DOCK10: variants seen among roughly 807,000 people sequenced by gnomAD.
DOCK10 encodes the protein dedicator of cytokinesis 10, also known as dedicator of cytokinesis protein 10.
DOCK10 carries 145 observed loss-of-function variants against 280.1 expected under a neutral mutation model. The observed-to-expected ratio is 0.52, with a 90% confidence interval of 0.45 to 0.59. DOCK10 has a LOEUF of 0.59. DOCK10 is among the 20% of genes least tolerant of loss of function. The pLI, the probability that DOCK10 is intolerant of heterozygous loss-of-function variation, is 0.00. For synonymous variants in DOCK10, 915 were observed against 942.2 expected, an observed-to-expected ratio of 0.97 and a Z score of 0.53; for missense variants, 2,368 against 2,651.7, an observed-to-expected ratio of 0.89 and a Z score of 2.35.
chr2:224,822,519 G>C (rs1197806886), intron 28 of DOCK10, among the ~76,000 whole-genome samples: 1 of 152,160 alleles, frequency 6.6e-6, no homozygotes, highest in Non-Finnish European at 1.5e-5. Flanking sequence ...GAGCTCAGGA[G>C]TTTGAAACCA....
intron 50 of DOCK10, among the ~76,000 whole-genome samples, chr2:224,778,768 A>G (rs1257921820): frequency 6.6e-6 from 1 of 152,224 alleles, no homozygotes; most frequent in Non-Finnish European, 1.5e-5. Context: ...TGCATCCCAC[A>G]TAATCTTAGA....
At chr2:224,828,822 C>T (rs10192929) in intron 27 of DOCK10, among the ~76,000 whole-genome samples, 26,016 of 152,044 alleles carry the variant, frequency 0.17, 3,293 homozygotes, top group African/African-American at 0.36. Flanking sequence ...ACTGGAACTC[C>T]TAGGGACAAA....
At chr2:224,867,199 G>C (rs1348518641) in intron 11 of DOCK10, among the ~76,000 whole-genome samples, 1 of 152,074 alleles carries the variant, frequency 6.6e-6, no homozygotes, top group African/African-American at 2.4e-5. Context: ...ACACTCAAGG[G>C]TTCATTCTAG....
At chr2:224,844,947 C>A (rs1403738916) in intron 21 of DOCK10, 108 bp from the exon 22 acceptor site, 2 of 878,682 alleles carry the variant, frequency 2.3e-6, no homozygotes, top group South Asian at 1.6e-5. Context: ...AATCTTATAT[C>A]AGCTACAGGT....
At chr2:224,768,871 C>T in intron 55 of DOCK10, 1 of 456,342 alleles carries the variant, frequency 2.2e-6, no homozygotes, top group South Asian at 1.5e-5. Flanking sequence ...GAAAAACATA[C>T]CACTTTTGCT....
Position 224,769,322 on chromosome 2 carries a change from C to A in DOCK10, c.6444+889G>T, listed in dbSNP as rs182375541. Among the ~76,000 whole-genome samples, 48 of 152,324 alleles carry A rather than the reference C, an allele frequency of 3.2e-4. No individual in the cohort carries two copies. In the East Asian group the frequency reaches 9.0e-3, roughly 29 times the overall value. On this transcript the variant is annotated intron_variant, in intron 55 of 55. Transcript: ENST00000258390. The stretch of plus-strand genomic sequence containing the variant: ...AGATGGGAAATGCAATTAGAAAAAA[C>A]AGATTCATACAACACACTTCATGGT...
chr2:224,801,512 T>C (rs1693011859), intron 40 of DOCK10, among the ~76,000 whole-genome samples: 1 of 152,098 alleles, frequency 6.6e-6, no homozygotes, highest in East Asian at 1.9e-4. Context: ...TACAAAACGC[T>C]GGCCTCCATT....
intron 11 of DOCK10, among the ~76,000 whole-genome samples, chr2:224,869,089 C>T (rs1698105072): frequency 6.6e-6 from 1 of 152,108 alleles, no homozygotes; most frequent in Admixed American, 6.5e-5. Context: ...ATCTGCAAAG[C>T]CTAACAAATT....
intron 3 of DOCK10, among the ~76,000 whole-genome samples, chr2:224,903,736 T>A (rs1700440606): frequency 6.6e-6 from 1 of 152,192 alleles, no homozygotes; most frequent in Admixed American, 6.5e-5. Flanking sequence ...ATTCTTATGC[T>A]CCAAAGCCTC....
chr2:224,889,393 A>G (rs1699526474), intron 4 of DOCK10, among the ~76,000 whole-genome samples: 1 of 152,300 alleles, frequency 6.6e-6, no homozygotes, highest in South Asian at 2.1e-4. Flanking sequence ...GATCAGAACC[A>G]TGTTCTCCAT....
intron 1 of DOCK10, among the ~76,000 whole-genome samples, chr2:224,973,371 C>G (rs747242023): frequency 1.6e-4 from 24 of 152,014 alleles, no homozygotes; most frequent in Admixed American, 1.3e-4. Flanking sequence ...CGTGGATCAG[C>G]CAGGTGGGGC....
At chr2:224,860,695 T>C (rs891334461) in intron 14 of DOCK10, 7 of 152,158 alleles carry the variant, frequency 4.6e-5, no homozygotes, top group African/African-American at 1.7e-4. Flanking sequence ...CATCTCAGCC[T>C]CCTGAGTAGC....
At chr2:224,790,474 T>C (rs1035980630) in intron 47 of DOCK10, among the ~76,000 whole-genome samples, 1 of 152,242 alleles carries the variant, frequency 6.6e-6, no homozygotes. Context: ...AAGTGCTTTT[T>C]AAGTTATAGC....
Position 224,886,172 on chromosome 2 carries a change from TG to T in DOCK10, c.502del (p.His168ThrfsTer30). ...TCCTCCACCCCCCTTGGAAGACGAG[TG>T]GGAAGTGGTATCCTGTAGGAAAGGC... Reference protein sequence around the residue: ...DADKDEDTTSHSSSKGGGGAG... With the variant: ...DADKDEDTTSXSSSKGGGGAG... On this transcript the variant is annotated frameshift_variant, in exon 6 of 56. Transcript: ENST00000258390. LOFTEE classifies it high-confidence loss of function. 6.2e-7 allele frequency: 1 copy of T among 1,613,632 alleles called. No homozygotes were observed. Among genetic ancestry groups the T allele is most frequent in the Non-Finnish European group, 8.5e-7 (1 of 1,179,782 alleles).
chr2:224,901,446 G>A (rs2055710), intron 3 of DOCK10, among the ~76,000 whole-genome samples: 17,062 of 152,250 alleles, frequency 0.11, 1,039 homozygotes, highest in Non-Finnish European at 0.14. Context: ...TCCAAACAGC[G>A]ATGTCCTGGC....
intron 1 of DOCK10, among the ~76,000 whole-genome samples, chr2:224,949,549 T>C (rs1559845288): frequency 6.6e-6 from 1 of 152,202 alleles, no homozygotes; most frequent in Non-Finnish European, 1.5e-5. Context: ...AGAAAAGATA[T>C]CTCTAAGGTA....
rs1697011667 is a variant in DOCK10 at position 224,854,979 on chromosome 2, A to T, written c.1872T>A (p.Val624=). 1 of 1,609,812 alleles carries T rather than the reference A, an allele frequency of 6.2e-7. No individual in the cohort carries two copies. The highest frequency in any genetic ancestry group is 1.3e-5 in the African/African-American group (1 of 74,928). The stretch of plus-strand genomic sequence containing the variant: ...TCATCATACTTGGATGCTCCAAGGG[A>T]ACGTTGTCAACAGCAATATCCAGGC... ...PGSLDIAVDN[V]PLEHPNCVTS... The change falls in exon 16 of 56, where the codon GTT becomes GTA. Residue 624 remains valine, a synonymous_variant. Coordinates refer to ENST00000258390, the MANE Select transcript of DOCK10 (RefSeq NM_014689.3).
intron 1 of DOCK10, among the ~76,000 whole-genome samples, chr2:224,990,398 A>T (rs1706092898): frequency 6.6e-6 from 1 of 152,174 alleles, no homozygotes; most frequent in Admixed American, 6.5e-5. Context: ...TTTCAGCAAA[A>T]ATTTTAAGCC....
At chr2:224,799,449 TATTAAAATAAAGCTGTC>T (rs1234521984) in intron 41 of DOCK10, among the ~76,000 whole-genome samples, 2 of 152,240 alleles carry the variant, frequency 1.3e-5, no homozygotes, top group African/African-American at 4.8e-5. Context: ...CTTTTTTTGC[TATTAAAATAAAGCTGTC>T]ATGCATATTT....
Sources: gnomAD v4.1 joint callset for allele counts (sites outside exome capture counted in the v4.1 genomes callset) on GRCh38, gnomAD v4.1.1 for gene constraint, MANE v1.5 for transcripts, NCBI Gene and HGNC (gene_info 2026-07-23, HGNC 2026-07-21) for gene names.